DAB2IP: variants seen among roughly 807,000 people sequenced by gnomAD.
DAB2IP encodes the protein disabled homolog 2-interacting protein.
DAB2IP carries 28 observed loss-of-function variants against 107.2 expected under a neutral mutation model. The ratio of observed to expected loss-of-function variants is 0.26; its 90% CI spans 0.19 to 0.36. DAB2IP has a LOEUF of 0.36. Among genes scored for constraint, DAB2IP ranks in the 10% least tolerant of loss-of-function variants. DAB2IP has a pLI of 1.00. For missense variants in DAB2IP, 1,400 were observed against 1,644.7 expected (o/e 0.85, Z 2.57); for synonymous variants, 755 against 706.4 (o/e 1.07, Z -1.09).
intron 1 of DAB2IP, among the ~76,000 whole-genome samples, chr9:121,677,787 G>A (rs560374408): frequency 1.7e-4 from 26 of 151,834 alleles, no homozygotes; most frequent in Admixed American, 4.6e-4. Context: ...TCAGCCTCCC[G>A]AGTAGCTAGG....
chr9:121,651,592 C>T (rs1451595158), upstream of DAB2IP: 38 of 971,108 alleles, frequency 3.9e-5, no homozygotes, highest in Admixed American at 6.7e-4. The surrounding 1 kb of genome is among the most constrained non-coding windows in gnomAD (Gnocchi z 5.1). Flanking sequence ...GCCGGCTGCT[C>T]GGGGAGCGGG....
At chr9:121,652,603 G>T (rs547454260) in intron 1 of DAB2IP, among the ~76,000 whole-genome samples, 3 of 152,238 alleles carry the variant, frequency 2.0e-5, no homozygotes, top group African/African-American at 7.2e-5. Context: ...GGGGCTCTGG[G>T]GAGGCTGGAG....
chr9:121,782,323 G>T lies in DAB2IP; in HGVS notation c.3403-8G>T, dbSNP rs1015166297. On this transcript the variant is annotated splice_region_variant and splice_polypyrimidine_tract_variant and intron_variant, in intron 15 of 15. Coordinates refer to ENST00000408936, the Ensembl canonical transcript of DAB2IP. This position sits in a 1 kb window ranked among gnomAD's most constrained non-coding sequence, Gnocchi z 6.1. ...CATGACCCCCGCTCACATCCCCATT[G>T]TCCACAGGAGAAGCGCATTGCCTCG... 3 of 1,612,996 alleles carry T rather than the reference G, an allele frequency of 1.9e-6. No homozygotes were observed. In the Admixed American group the frequency reaches 5.0e-5, roughly 27 times the overall value.
intron 3 of DAB2IP, among the ~76,000 whole-genome samples, chr9:121,738,013 C>A (rs1384561728): frequency 6.6e-6 from 1 of 151,894 alleles, no homozygotes; most frequent in Non-Finnish European, 1.5e-5. Context: ...GAAGCAAGCC[C>A]TGCCCTCCTG....
intron 1 of DAB2IP, among the ~76,000 whole-genome samples, chr9:121,617,293 CAGCCT>C (rs1173665263): frequency 6.6e-6 from 1 of 152,174 alleles, no homozygotes; most frequent in African/African-American, 2.4e-5. Context: ...CACTGCACTC[CAGCCT>C]GAGCAACAGA....
chr9:121,715,362 T>A (rs1280734468), intron 3 of DAB2IP, among the ~76,000 whole-genome samples: 1 of 151,514 alleles, frequency 6.6e-6, no homozygotes, highest in Non-Finnish European at 1.5e-5. Flanking sequence ...TTTTTTTTTT[T>A]TTTGAGACAG....
chr9:121,783,472 A>C, exon 16 of DAB2IP: 1 of 1,613,808 alleles, frequency 6.2e-7, no homozygotes, highest in Non-Finnish European at 8.5e-7. Context: ...ATGGTTTAAA[A>C]AAAGATTCTA....
chr9:121,602,638 T>G (rs944710212), intron 1 of DAB2IP, among the ~76,000 whole-genome samples: 7 of 152,174 alleles, frequency 4.6e-5, no homozygotes, highest in Admixed American at 2.6e-4. Flanking sequence ...TGCAGTGGCG[T>G]GATCTCGGCT....
chr9:121,761,414 C>A (rs1182112530), intron 6 of DAB2IP, among the ~76,000 whole-genome samples: 2 of 152,198 alleles, frequency 1.3e-5, no homozygotes, highest in Non-Finnish European at 2.9e-5. Context: ...CACCCTGTGT[C>A]AAGGTCCTAG....
chr9:121,721,426 T>C (rs915477993), intron 3 of DAB2IP, among the ~76,000 whole-genome samples: 18 of 152,340 alleles, frequency 1.2e-4, no homozygotes, highest in Admixed American at 1.1e-3. Context: ...TGCCAGGCAC[T>C]GAGTGGGATC....
chr9:121,730,737 C>G (rs1831485943), intron 3 of DAB2IP, among the ~76,000 whole-genome samples: 1 of 152,198 alleles, frequency 6.6e-6, no homozygotes, highest in African/African-American at 2.4e-5. Flanking sequence ...ACAGCTGGCA[C>G]TTTCTAGCTG....
intron 1 of DAB2IP, among the ~76,000 whole-genome samples, chr9:121,668,920 T>TTTTTG: frequency 6.9e-6 from 1 of 145,230 alleles, no homozygotes; most frequent in African/African-American, 2.5e-5. Flanking sequence ...TTTTTTTTTT[T>TTTTTG]TTTTTTTTTT....
intron 3 of DAB2IP, among the ~76,000 whole-genome samples, chr9:121,747,137 C>T (rs904032868): frequency 2.6e-5 from 4 of 152,000 alleles, no homozygotes; most frequent in African/African-American, 9.7e-5. Flanking sequence ...GGAGGTTGGG[C>T]TCTTTTCCTG....
chr9:121,703,821 G>A (rs1435646114), intron 3 of DAB2IP, among the ~76,000 whole-genome samples: 1 of 152,176 alleles, frequency 6.6e-6, no homozygotes, highest in East Asian at 1.9e-4. Flanking sequence ...GGAATAATAA[G>A]CAATCATGTG....
At chr9:121,739,521 T>A (rs931280167) in intron 3 of DAB2IP, among the ~76,000 whole-genome samples, 1 of 152,194 alleles carries the variant, frequency 6.6e-6, no homozygotes, top group Non-Finnish European at 1.5e-5. Flanking sequence ...TTGGGGAGGC[T>A]GCCCGGACAG....
chr9:121,595,803 G>C (rs1830518710), intron 1 of DAB2IP, among the ~76,000 whole-genome samples: 1 of 152,122 alleles, frequency 6.6e-6, no homozygotes, highest in Admixed American at 6.5e-5. Flanking sequence ...ATGGTATTCT[G>C]TTCGGCATGT....
intron 2 of DAB2IP, among the ~76,000 whole-genome samples, chr9:121,685,135 C>G (rs72770691): frequency 0.026 from 3,918 of 152,272 alleles, 86 homozygotes; most frequent in South Asian, 0.059. Flanking sequence ...AACCCTGCCC[C>G]CTCCGCCCCC....
intron 3 of DAB2IP, among the ~76,000 whole-genome samples, chr9:121,740,395 C>T (rs1017755426): frequency 6.6e-6 from 1 of 152,210 alleles, no homozygotes; most frequent in Non-Finnish European, 1.5e-5. Flanking sequence ...CAGCCCCTTT[C>T]CTTACACCAG....
At chr9:121,582,227 G>T (rs1465755853) in intron 1 of DAB2IP, among the ~76,000 whole-genome samples, 1 of 152,186 alleles carries the variant, frequency 6.6e-6, no homozygotes, top group Non-Finnish European at 1.5e-5. Context: ...ATCCCGGCTG[G>T]GGGAGAGCAA....
Sources: allele counts gnomAD v4.1 joint callset (sites outside exome capture counted in the v4.1 genomes callset), GRCh38; gene constraint gnomAD v4.1.1; non-coding constraint Gnocchi (gnomAD v3.1); transcripts MANE v1.5; gene names NCBI Gene and HGNC (gene_info 2026-07-23, HGNC 2026-07-21).